AADAT: variants seen among roughly 807,000 people sequenced by gnomAD.
The protein encoded by AADAT is aminoadipate aminotransferase.
AADAT carries 25 observed loss-of-function variants against 56.2 expected under a neutral mutation model. That is an observed-to-expected ratio of 0.44 (90% CI 0.32 to 0.62). The LOEUF is 0.62. Among genes scored for constraint, AADAT ranks in the 20% least tolerant of loss-of-function variants. The pLI, the probability that AADAT is intolerant of heterozygous loss-of-function variation, is 0.04. For missense variants in AADAT, 387 were observed against 510.5 expected (o/e 0.76, Z 2.33); for synonymous variants, 173 against 164.7 (o/e 1.05, Z -0.39).
At chr4:170,075,254 TTA>T (rs1403672374) in intron 4 of AADAT, among the ~76,000 whole-genome samples, 3 of 152,244 alleles carry the variant, frequency 2.0e-5, no homozygotes, top group Non-Finnish European at 4.4e-5. Flanking sequence ...GGAAAACAAA[TTA>T]TGAGTATCCA....
intron 4 of AADAT, among the ~76,000 whole-genome samples, chr4:170,075,759 C>A (rs1449201220): frequency 6.6e-6 from 1 of 152,212 alleles, no homozygotes; most frequent in South Asian, 2.1e-4. Context: ...TCTCTACTCT[C>A]CCCAGCCCCT....
At chr4:170,073,104 C>T (rs1731853196) in intron 5 of AADAT, 32 bp downstream of exon 5, 2 of 1,599,184 alleles carry the variant, frequency 1.3e-6, no homozygotes, top group East Asian at 4.5e-5. Context: ...GAAACAGGAA[C>T]ACAACTACTT....
At position 170,089,661 on chromosome 4, in the gene AADAT, C is replaced by A. The variant is rs755262373; in HGVS notation, c.30G>T (p.Ala10=). The change falls in exon 1 of 13, where the codon GCG becomes GCT. Residue 10 remains alanine, a synonymous_variant. Transcript: ENST00000337664. ...TGGGAGAAGGGTTTCTGGCTGCGCT[C>A]GCTGCCGTGATGAACCGTGCGTAAT... MNYARFITA[A]SAARNPSPIR... 1 of 1,614,174 alleles carries A rather than the reference C, an allele frequency of 6.2e-7. No homozygotes were observed. The highest frequency in any genetic ancestry group is 1.6e-4 in the Middle Eastern group (1 of 6,062).
rs150671652 is a variant in AADAT, at chr4:170,067,317, G to GT, written c.962+9_962+10insA. 1,665 of 1,606,124 alleles carry GT rather than the reference G, an allele frequency of 1.0e-3. 13 individuals are homozygous for GT. The African/African-American group carries it at 0.02, about 19-fold the overall frequency. On this transcript the variant is annotated intron_variant, in intron 9 of 12. Coordinates refer to ENST00000337664, the MANE Select transcript of AADAT (RefSeq NM_016228.4). ...TTTGTTCATAAATATTTAAAGAAAT[G>GT]ATACAATACCTGTCTACATGAGCCA...
In AADAT at chr4:170,088,434, C is replaced by T; in HGVS notation, c.198G>A (p.Glu66=). ...ENGKTIQFGE[E]MMKRALQYSP... is the part of the protein sequence containing the mutation. ...AATACTGAAGTGCTCTCTTCATCAT[C>T]TCTTCTCCAAATTGGATGGTCTTTC... Residue 66 remains glutamate (E), a synonymous_variant, in exon 2 of 13, where the codon GAG becomes GAA. Coordinates refer to ENST00000337664, the MANE Select transcript of AADAT (RefSeq NM_016228.4). 6.2e-7 allele frequency: 1 copy of T among 1,612,412 alleles called. No individual in the cohort carries two copies. Among genetic ancestry groups the T allele is most frequent in the Non-Finnish European group, 8.5e-7 (1 of 1,178,586 alleles).
At chr4:170,088,678 AGT>A in intron 1 of AADAT, 114 bp from the exon 2 acceptor site, 1 of 1,098,938 alleles carries the variant, frequency 9.1e-7, no homozygotes, top group Non-Finnish European at 1.3e-6. Flanking sequence ...CTAGTGATAG[AGT>A]GTGCTATGGT....
At chr4:170,077,051 A>G (rs754735133) in intron 4 of AADAT, among the ~76,000 whole-genome samples, 9 of 152,116 alleles carry the variant, frequency 5.9e-5, no homozygotes, top group East Asian at 1.9e-4. Flanking sequence ...GTTCTATTCT[A>G]TTGGTCTATA....
At chr4:170,076,942 C>T (rs1440450898) in intron 4 of AADAT, among the ~76,000 whole-genome samples, 2 of 152,064 alleles carry the variant, frequency 1.3e-5, no homozygotes, top group Non-Finnish European at 2.9e-5. Context: ...TCCAGTTGTC[C>T]CAGCACCACA....
chr4:170,086,578 A>T (rs1005357493), intron 3 of AADAT, among the ~76,000 whole-genome samples: 3 of 152,210 alleles, frequency 2.0e-5, no homozygotes, highest in Non-Finnish European at 4.4e-5. Flanking sequence ...CCTCTAAAAA[A>T]TTTAAAAATT....
intron 11 of AADAT, among the ~76,000 whole-genome samples, 158 bp from the exon 12 acceptor site, chr4:170,062,151 G>A (rs559753344): frequency 6.6e-6 from 1 of 152,276 alleles, no homozygotes; most frequent in South Asian, 2.1e-4. Flanking sequence ...AATTGCGTAT[G>A]TCATACAATG....
At chr4:170,093,663 A>G (rs559235272), upstream of AADAT, among the ~76,000 whole-genome samples, 3 of 152,270 alleles carry the variant, frequency 2.0e-5, no homozygotes, top group East Asian at 1.9e-4. Flanking sequence ...GGCGCCAACC[A>G]TAGCTCACTG....
At position 170,079,725 on chromosome 4, in the gene AADAT, G is replaced by A. The variant is rs569697728; in HGVS notation, c.370-1142C>T. 2.4e-4 allele frequency among the ~76,000 whole-genome samples: 36 copies of A among 152,248 alleles called. No individual in the cohort carries two copies. In the South Asian group the frequency reaches 5.2e-3, roughly 22 times the overall value. On this transcript the variant is annotated intron_variant, in intron 3 of 12. Transcript: ENST00000337664. ...TGGAACTAGATAGATGGTGGGGGTG[G>A]TGCCATTCACTGAAACACATAACCA...
chr4:170,072,187 GA>G (rs1731800900), intron 5 of AADAT, among the ~76,000 whole-genome samples: 1 of 152,016 alleles, frequency 6.6e-6, no homozygotes, highest in African/African-American at 2.4e-5. Context: ...ACAGAGCCTG[GA>G]AAGTACAAAC....
chr4:170,064,706 C>T lies in AADAT; in HGVS notation c.1134+13G>A. 16 of 1,583,162 alleles carry T rather than the reference C, an allele frequency of 1.0e-5. No individual in the cohort carries two copies. Among genetic ancestry groups the T allele is most frequent in the Non-Finnish European group, 1.4e-5 (16 of 1,166,868 alleles). On this transcript the variant is annotated intron_variant, in intron 11 of 12. Transcript: ENST00000337664. Reference sequence around the variant, plus strand: ...TTCCTTAGGTTTCCCAGCCCTTCACCTCCCAGTTTTACCCCCATCTTAACG... The same window carrying T: ...TTCCTTAGGTTTCCCAGCCCTTCACTTCCCAGTTTTACCCCCATCTTAACG...
intron 1 of AADAT, 83 bp downstream of exon 1, chr4:170,089,541 C>A: frequency 6.6e-7 from 1 of 1,509,838 alleles, no homozygotes; most frequent in South Asian, 1.1e-5. Flanking sequence ...TGCAACCAAG[C>A]GGTGGCTTGC....
At position 170,089,540 on chromosome 4, in the gene AADAT, G is replaced by A. The variant is rs1371541811; in HGVS notation, c.67+84C>T. Reference sequence around the variant, plus strand: ...CAGGGGTACGCATGGATGCAACCAAGCGGTGGCTTGCTAGGGAACCCTCCT... The same window carrying A: ...CAGGGGTACGCATGGATGCAACCAAACGGTGGCTTGCTAGGGAACCCTCCT... On this transcript the variant is annotated intron_variant, in intron 1 of 12. Transcript: ENST00000337664. 3 of 1,506,634 alleles carry A rather than the reference G, an allele frequency of 2.0e-6. No individual in the cohort carries two copies. The South Asian group carries it at 3.4e-5, about 17-fold the overall frequency. 93.3% of individuals were successfully genotyped at this position (1,506,634 alleles called of 1,614,324 possible). A position where few individuals can be genotyped will look rare whatever the true frequency, so the allele number is the denominator to read the frequency against.
At chr4:170,061,308 C>T (rs1035237046) in intron 12 of AADAT, among the ~76,000 whole-genome samples, 1 of 152,172 alleles carries the variant, frequency 6.6e-6, no homozygotes, top group East Asian at 1.9e-4. Flanking sequence ...TCCACTAATA[C>T]ATTAAAACAG....
intron 3 of AADAT, among the ~76,000 whole-genome samples, chr4:170,085,446 G>A (rs1333630507): frequency 2.0e-5 from 3 of 152,132 alleles, no homozygotes; most frequent in Non-Finnish European, 4.4e-5. Flanking sequence ...CATGACTCCT[G>A]GAGAACAAAG....
At chr4:170,068,453 A>G in intron 8 of AADAT, 138 bp downstream of exon 8, 1 of 560,440 alleles carries the variant, frequency 1.8e-6, no homozygotes, top group Non-Finnish European at 3.1e-6. Flanking sequence ...ATTTCTTTAG[A>G]AAGATTAGCA....
Sources: allele counts gnomAD v4.1 joint callset (sites outside exome capture counted in the v4.1 genomes callset), GRCh38; gene constraint gnomAD v4.1.1; transcripts MANE v1.5; gene names NCBI Gene and HGNC (gene_info 2026-07-23, HGNC 2026-07-21).